FARS2: variants seen among roughly 807,000 people sequenced by gnomAD.
The protein encoded by FARS2 is phenylalanyl-tRNA synthetase 2, mitochondrial.
In FARS2, 40 loss-of-function variants were observed where a neutral mutation model predicts 46.4. That is an observed-to-expected ratio of 0.86 (90% CI 0.67 to 1.12). FARS2 has a LOEUF of 1.12. Ranked by LOEUF, FARS2 falls within the 50% of genes most tolerant of loss-of-function variation. The pLI is 0.00. For synonymous variants in FARS2, 234 were observed against 214.9 expected, an observed-to-expected ratio of 1.09 and a Z score of -0.78; for missense variants, 513 against 567.9, an observed-to-expected ratio of 0.90 and a Z score of 0.98.
chr6:5,539,408 T>TATATATATATATATGTATATA (rs68137910), intron 4 of FARS2, among the ~76,000 whole-genome samples: 4 of 93,946 alleles, frequency 4.3e-5, no homozygotes, highest in Non-Finnish European at 7.3e-5. Context: ...ATGTATATAT[T>TATATATATATATATGTATATA]TTTTTAGTAG....
intron 3 of FARS2, among the ~76,000 whole-genome samples, chr6:5,427,209 TA>T (rs1317039778): frequency 6.6e-6 from 1 of 152,206 alleles, no homozygotes; most frequent in East Asian, 1.9e-4. Context: ...TTCTCTTCAA[TA>T]AATGATTCTG....
At chr6:5,747,540 G>A (rs1761711758) in intron 6 of FARS2, among the ~76,000 whole-genome samples, 1 of 152,248 alleles carries the variant, frequency 6.6e-6, no homozygotes, top group Non-Finnish European at 1.5e-5. Context: ...GCCATATGCT[G>A]TTGGTCTCAC....
At chr6:5,363,792 A>G (rs940007286) in intron 1 of FARS2, among the ~76,000 whole-genome samples, 11 of 152,150 alleles carry the variant, frequency 7.2e-5, no homozygotes, top group African/African-American at 2.4e-4. Flanking sequence ...TCCCTTAAAT[A>G]TGATAAGTTC....
chr6:5,592,386 CA>C (rs376302548), intron 5 of FARS2, among the ~76,000 whole-genome samples: 79 of 104,056 alleles, frequency 7.6e-4, no homozygotes, highest in Non-Finnish European at 7.7e-4. Flanking sequence ...ACCTTGTCTC[CA>C]AAAAAAAAAA....
intron 6 of FARS2, among the ~76,000 whole-genome samples, chr6:5,618,594 A>G (rs1775598983): frequency 6.6e-6 from 1 of 152,202 alleles, no homozygotes; most frequent in Non-Finnish European, 1.5e-5. Flanking sequence ...ATTTCATAAT[A>G]TTAGACAAAT....
chr6:5,448,260 G>A (rs1443791741), intron 4 of FARS2, among the ~76,000 whole-genome samples: 2 of 152,174 alleles, frequency 1.3e-5, no homozygotes, highest in Non-Finnish European at 2.9e-5. Flanking sequence ...TGAGAAAGTG[G>A]AAGAAGGGAG....
intron 3 of FARS2, among the ~76,000 whole-genome samples, chr6:5,406,663 C>T (rs1481385203): frequency 6.6e-6 from 1 of 152,020 alleles, no homozygotes; most frequent in African/African-American, 2.4e-5. Context: ...TTTATCCATA[C>T]ATTCATTGAT....
chr6:5,437,831 G>A (rs1484371157), intron 4 of FARS2, among the ~76,000 whole-genome samples: 2 of 152,010 alleles, frequency 1.3e-5, no homozygotes, highest in Admixed American at 6.6e-5. Context: ...TTACTTAGCT[G>A]TTTCCCATTT....
chr6:5,442,166 G>C (rs1013395674), intron 4 of FARS2, among the ~76,000 whole-genome samples: 7 of 151,914 alleles, frequency 4.6e-5, no homozygotes, highest in Non-Finnish European at 8.8e-5. Context: ...GAATTTACCT[G>C]GTTATTACTG....
chr6:5,404,990 G>T (rs909609078), intron 3 of FARS2, among the ~76,000 whole-genome samples: 1 of 151,698 alleles, frequency 6.6e-6, no homozygotes, highest in Admixed American at 6.6e-5. Flanking sequence ...GTAGAGACAG[G>T]GTTTTACCAT....
At chr6:5,493,820 A>G (rs1458383404) in intron 4 of FARS2, among the ~76,000 whole-genome samples, 1 of 152,262 alleles carries the variant, frequency 6.6e-6, no homozygotes, top group Non-Finnish European at 1.5e-5. Context: ...AGCACTACAG[A>G]TGTAATGACA....
chr6:5,476,143 G>T (rs1468307111), intron 4 of FARS2, among the ~76,000 whole-genome samples: 2 of 152,046 alleles, frequency 1.3e-5, no homozygotes, highest in African/African-American at 4.8e-5. Context: ...GTGAGGTCTG[G>T]GTCTGCTGAG....
At chr6:5,717,429 C>T (rs1175229729) in intron 6 of FARS2, among the ~76,000 whole-genome samples, 1 of 150,052 alleles carries the variant, frequency 6.7e-6, no homozygotes, top group Non-Finnish European at 1.5e-5. Flanking sequence ...TCTAGCCATT[C>T]TGTTGTTTTT....
chr6:5,545,044 T>C, intron 4 of FARS2, 136 bp from the exon 5 acceptor site: 1 of 742,422 alleles, frequency 1.3e-6, no homozygotes, highest in Non-Finnish European at 2.3e-6. Context: ...CTCATGGATG[T>C]CTTTGTAGCG....
intron 3 of FARS2, among the ~76,000 whole-genome samples, chr6:5,412,239 C>A (rs1455258058): frequency 6.6e-6 from 1 of 152,216 alleles, no homozygotes; most frequent in Non-Finnish European, 1.5e-5. Context: ...AGGGAGCCTC[C>A]TTGCCCAAAG....
At chr6:5,310,060 A>C (rs1351642044) in intron 1 of FARS2, among the ~76,000 whole-genome samples, 1 of 152,208 alleles carries the variant, frequency 6.6e-6, no homozygotes, top group African/African-American at 2.4e-5. Context: ...TTCAAAAATA[A>C]ACCTGAAATG....
At chr6:5,274,935 T>C (rs1016394871) in intron 1 of FARS2, among the ~76,000 whole-genome samples, 1 of 152,188 alleles carries the variant, frequency 6.6e-6, no homozygotes, top group African/African-American at 2.4e-5. Flanking sequence ...CAGGCTAGTT[T>C]TAAACTTCTG....
chr6:5,348,200 C>T (rs1757355304), intron 1 of FARS2, among the ~76,000 whole-genome samples: 1 of 152,176 alleles, frequency 6.6e-6, no homozygotes, highest in Non-Finnish European at 1.5e-5. Context: ...TATTTTCTTT[C>T]ACGATTACTG....
chr6:5,642,457 A>T (rs181724417), intron 6 of FARS2, among the ~76,000 whole-genome samples: 13 of 151,738 alleles, frequency 8.6e-5, no homozygotes, highest in Admixed American at 7.2e-4. Flanking sequence ...AAATGTTACT[A>T]AAAAAAAATT....
Sources: gnomAD v4.1 joint callset for allele counts (sites outside exome capture counted in the v4.1 genomes callset) on GRCh38, gnomAD v4.1.1 for gene constraint, MANE v1.5 for transcripts, NCBI Gene and HGNC (gene_info 2026-07-23, HGNC 2026-07-21) for gene names.